RALGPS2: variants seen among roughly 807,000 people sequenced by gnomAD.
The protein encoded by RALGPS2 is ras-specific guanine nucleotide-releasing factor RalGPS2.
RALGPS2 carries 43 observed loss-of-function variants against 86.8 expected under a neutral mutation model. The observed-to-expected ratio is 0.50, with a 90% CI of 0.39 to 0.64. RALGPS2 has a LOEUF of 0.64. RALGPS2 is among the 30% of genes least tolerant of loss of function. RALGPS2 has a pLI of 0.00. For synonymous variants in RALGPS2, 243 were observed against 231.3 expected (o/e 1.05, Z -0.46); for missense variants, 536 against 694.6 (o/e 0.77, Z 2.57).
intron 8 of RALGPS2, chr1:178,865,535 G>A: frequency 6.2e-7 from 1 of 1,614,078 alleles, no homozygotes; most frequent in East Asian, 2.2e-5. Flanking sequence ...GTCCATCCTG[G>A]TGATCATGTC....
At position 178,832,710 on chromosome 1, in the gene RALGPS2, G is replaced by C. The variant is rs980968930; in HGVS notation, c.481-714G>C. 2.0e-5 allele frequency among the ~76,000 whole-genome samples: 3 copies of C among 150,994 alleles called. No homozygotes were observed. In the East Asian group the frequency reaches 5.8e-4, roughly 29 times the overall value. On this transcript the variant is annotated intron_variant, in intron 7 of 19. Transcript: ENST00000367635. ...TCTAAATAAAAAAAAAAATTTTCCA[G>C]TCTTTGGAATGATTTGAAAAACTAT...
At chr1:178,859,893 A>G (rs80024177) in intron 8 of RALGPS2, among the ~76,000 whole-genome samples, 6,359 of 138,696 alleles carry the variant, frequency 0.046, 207 homozygotes, top group Non-Finnish European at 0.062. Flanking sequence ...ATTTTTTTGT[A>G]TTTTTGGTAG....
chr1:178,891,017 A>T (rs1211882357), intron 14 of RALGPS2, among the ~76,000 whole-genome samples: 2 of 152,070 alleles, frequency 1.3e-5, no homozygotes, highest in Non-Finnish European at 2.9e-5. Flanking sequence ...TTTAAAAAAT[A>T]TTGATTAACC....
At chr1:178,904,433 A>G (rs1660309281) in intron 18 of RALGPS2, among the ~76,000 whole-genome samples, 2 of 152,202 alleles carry the variant, frequency 1.3e-5, no homozygotes, top group African/African-American at 4.8e-5. Context: ...GCCTAAGCCA[A>G]TGTCTAGAAG....
intron 1 of RALGPS2, among the ~76,000 whole-genome samples, chr1:178,740,262 C>T (rs1164309216): frequency 2.0e-5 from 3 of 152,164 alleles, no homozygotes; most frequent in East Asian, 3.8e-4. Context: ...ATAATTCTGG[C>T]TTGCCCACAG....
intron 8 of RALGPS2, among the ~76,000 whole-genome samples, chr1:178,840,755 C>CTA (rs1221614659): frequency 6.6e-6 from 1 of 151,228 alleles, no homozygotes; most frequent in East Asian, 1.9e-4. Flanking sequence ...ACTAGCAAGA[C>CTA]TATATATATA....
chr1:178,770,771 C>G (rs1209885415), intron 1 of RALGPS2, among the ~76,000 whole-genome samples: 1 of 151,356 alleles, frequency 6.6e-6, no homozygotes, highest in African/African-American at 2.4e-5. Flanking sequence ...GGCACCGCGC[C>G]TGGCCACCCT....
At chr1:178,729,554 G>T (rs986813431) in intron 1 of RALGPS2, among the ~76,000 whole-genome samples, 2 of 152,146 alleles carry the variant, frequency 1.3e-5, no homozygotes, top group African/African-American at 2.4e-5. Context: ...TACTACAAGG[G>T]TTATACAGGT....
chr1:178,858,870 G>C (rs1473432491), intron 8 of RALGPS2, among the ~76,000 whole-genome samples: 1 of 152,176 alleles, frequency 6.6e-6, no homozygotes, highest in African/African-American at 2.4e-5. Context: ...TTTACAAAGA[G>C]AATTACAGAT....
chr1:178,802,108 C>T (rs1424037264), intron 4 of RALGPS2, among the ~76,000 whole-genome samples: 3 of 152,072 alleles, frequency 2.0e-5, no homozygotes, highest in Non-Finnish European at 4.4e-5. Flanking sequence ...GCAGGTAAAA[C>T]TCAACTACTC....
chr1:178,828,226 G>C (rs76254190), intron 7 of RALGPS2, among the ~76,000 whole-genome samples: 1,950 of 152,308 alleles, frequency 0.013, 35 homozygotes, highest in African/African-American at 0.044. Context: ...CCAAAATACA[G>C]TCATGCATGG....
chr1:178,859,694 A>G (rs917899672), intron 8 of RALGPS2, among the ~76,000 whole-genome samples: 126 of 124,440 alleles, frequency 1.0e-3, no homozygotes, highest in African/African-American at 3.8e-3. Flanking sequence ...TACACGAAGC[A>G]CTTTTTTTTT....
chr1:178,744,971 A>G (rs1348124314), intron 1 of RALGPS2, among the ~76,000 whole-genome samples: 1 of 152,232 alleles, frequency 6.6e-6, no homozygotes, highest in African/African-American at 2.4e-5. Context: ...GTTGTGGATT[A>G]CAGAATCAGT....
At chr1:178,791,177 G>A (rs1474059898) in intron 4 of RALGPS2, among the ~76,000 whole-genome samples, 2 of 151,990 alleles carry the variant, frequency 1.3e-5, no homozygotes, top group Non-Finnish European at 2.9e-5. Flanking sequence ...CTGGATTGCA[G>A]TGGCATGATC....
chr1:178,823,580 A>T (rs1236861371), intron 7 of RALGPS2, among the ~76,000 whole-genome samples: 1 of 152,226 alleles, frequency 6.6e-6, no homozygotes, highest in Non-Finnish European at 1.5e-5. Context: ...CTGGGAGAAG[A>T]GAATTCCAAG....
intron 6 of RALGPS2, among the ~76,000 whole-genome samples, chr1:178,813,376 TCAAA>T (rs1655082423): frequency 6.6e-6 from 1 of 152,252 alleles, no homozygotes; most frequent in South Asian, 2.1e-4. Context: ...ACTGTCTTCA[TCAAA>T]CAATCATTTA....
intron 8 of RALGPS2, chr1:178,850,811 A>C: frequency 1.1e-5 from 2 of 188,852 alleles, no homozygotes; most frequent in Non-Finnish European, 1.1e-5. Flanking sequence ...AGTATCTTGA[A>C]CATGTTATTT....
intron 8 of RALGPS2, among the ~76,000 whole-genome samples, chr1:178,859,772 A>G (rs1572414898): frequency 9.8e-6 from 1 of 101,986 alleles, no homozygotes; most frequent in Non-Finnish European, 1.8e-5. Context: ...ATCTCGGCTC[A>G]CTGCAAGCTC....
chr1:178,778,882 C>T (rs376971865), intron 2 of RALGPS2, among the ~76,000 whole-genome samples: 14 of 152,232 alleles, frequency 9.2e-5, no homozygotes, highest in South Asian at 6.2e-4. Flanking sequence ...TTTAGTGATT[C>T]GTATGTTCCC....
Sources: gnomAD v4.1 joint callset for allele counts (sites outside exome capture counted in the v4.1 genomes callset) on GRCh38, gnomAD v4.1.1 for gene constraint, MANE v1.5 for transcripts, NCBI Gene and HGNC (gene_info 2026-07-23, HGNC 2026-07-21) for gene names.